The following TTLL11 variants were observed in gnomAD, a reference collection of about 807,000 sequenced individuals.
TTLL11 encodes tubulin tyrosine ligase like 11.
In TTLL11, 42 loss-of-function variants were observed where a neutral mutation model predicts 51.7. That is an observed-to-expected ratio of 0.81 (90% CI 0.64 to 1.05). The LOEUF is 1.05. TTLL11 is among the 50% of genes least tolerant of loss of function. TTLL11 has a pLI of 0.00. For synonymous variants in TTLL11, 381 were observed against 383.5 expected (o/e 0.99, Z 0.08); for missense variants, 799 against 940.4 (o/e 0.85, Z 1.97).
intron 1 of TTLL11, among the ~76,000 whole-genome samples, chr9:122,070,544 G>A (rs908843942): frequency 9.9e-5 from 15 of 152,250 alleles, no homozygotes; most frequent in African/African-American, 3.4e-4. Flanking sequence ...GTGACACCCC[G>A]AGGAAGAATC....
chr9:121,957,209 A>G (rs1175030549), intron 6 of TTLL11, among the ~76,000 whole-genome samples: 2 of 152,122 alleles, frequency 1.3e-5, no homozygotes, highest in Non-Finnish European at 2.9e-5. Flanking sequence ...GCCAGTCTGA[A>G]TCAGGGGGCG....
At chr9:121,843,897 C>T (rs1837434626) in intron 8 of TTLL11, among the ~76,000 whole-genome samples, 2 of 152,134 alleles carry the variant, frequency 1.3e-5, no homozygotes, top group Admixed American at 6.6e-5. Context: ...TGATCTCGAA[C>T]TCCTAAACTC....
At chr9:121,999,799 C>A (rs1016920088) in intron 3 of TTLL11, among the ~76,000 whole-genome samples, 2 of 152,196 alleles carry the variant, frequency 1.3e-5, no homozygotes, top group African/African-American at 4.8e-5. Context: ...TATTACCCAC[C>A]AGCCCCCATC....
In TTLL11 at chr9:122,014,284, G is replaced by A. The variant is rs553890632; in HGVS notation, c.693+17439C>T. The stretch of plus-strand genomic sequence containing the variant: ...GGAGGCTGAGGCAGGAAAATTGCTC[G>A]AACCCAGGAGGCAGAGGTTGCAGTG... On this transcript the variant is annotated intron_variant, in intron 3 of 8. Coordinates refer to ENST00000321582, the MANE Select transcript of TTLL11 (RefSeq NM_001139442.2). Among the ~76,000 whole-genome samples, 16 of 152,192 alleles carry A rather than the reference G, an allele frequency of 1.1e-4. No homozygotes were observed. The East Asian group carries it at 2.9e-3, about 28-fold the overall frequency.
At chr9:122,036,675 T>G (rs1844713093) in intron 2 of TTLL11, among the ~76,000 whole-genome samples, 1 of 152,122 alleles carries the variant, frequency 6.6e-6, no homozygotes, top group South Asian at 2.1e-4. Context: ...AATAAAGCGT[T>G]TACACTTGCC....
At chr9:121,914,553 TAA>T (rs1183929694) in intron 6 of TTLL11, among the ~76,000 whole-genome samples, 2 of 152,146 alleles carry the variant, frequency 1.3e-5, no homozygotes, top group African/African-American at 4.8e-5. Context: ...AGCTGCCCAG[TAA>T]AAGAGACAGT....
chr9:121,976,577 G>A (rs1393342865), intron 4 of TTLL11, among the ~76,000 whole-genome samples: 1 of 152,084 alleles, frequency 6.6e-6, no homozygotes, highest in Non-Finnish European at 1.5e-5. Flanking sequence ...CCTTCTCTGT[G>A]GATTCAAGGA....
intron 4 of TTLL11, among the ~76,000 whole-genome samples, chr9:121,981,329 T>C (rs536802744): frequency 3.9e-5 from 6 of 152,188 alleles, no homozygotes; most frequent in Non-Finnish European, 8.8e-5. Flanking sequence ...CTTCAGTGTC[T>C]AATTTGCTGT....
chr9:122,022,962 A>C (rs1391508460), intron 3 of TTLL11, among the ~76,000 whole-genome samples: 1 of 151,956 alleles, frequency 6.6e-6, no homozygotes, highest in East Asian at 1.9e-4. Flanking sequence ...GTGATAACTC[A>C]AAAATGTATA....
At chr9:122,007,184 C>G (rs1843680705) in intron 3 of TTLL11, among the ~76,000 whole-genome samples, 1 of 151,858 alleles carries the variant, frequency 6.6e-6, no homozygotes, top group East Asian at 1.9e-4. Flanking sequence ...AATAAGCACA[C>G]CTGGCACTCA....
At chr9:121,965,457 C>T (rs949146171) in intron 6 of TTLL11, among the ~76,000 whole-genome samples, 5 of 152,172 alleles carry the variant, frequency 3.3e-5, no homozygotes, top group African/African-American at 9.7e-5. Context: ...AGAATTCACT[C>T]GTTATCACGA....
At chr9:121,845,974 C>A (rs949067500) in intron 8 of TTLL11, among the ~76,000 whole-genome samples, 6 of 152,040 alleles carry the variant, frequency 3.9e-5, no homozygotes, top group Non-Finnish European at 7.4e-5. Flanking sequence ...AGGACAGAGA[C>A]TGTTGAGAGG....
At chr9:121,877,229 C>T (rs1838600121) in intron 6 of TTLL11, among the ~76,000 whole-genome samples, 1 of 152,202 alleles carries the variant, frequency 6.6e-6, no homozygotes, top group Non-Finnish European at 1.5e-5. Context: ...AAAATGCTAA[C>T]CATGCACCAA....
At chr9:122,058,779 C>T (rs186058605) in intron 1 of TTLL11, among the ~76,000 whole-genome samples, 4 of 152,314 alleles carry the variant, frequency 2.6e-5, no homozygotes, top group Middle Eastern at 3.4e-3. Context: ...GAGATGAGAG[C>T]TGTTATTCCT....
intron 6 of TTLL11, among the ~76,000 whole-genome samples, chr9:121,936,266 T>C (rs1268933486): frequency 1.3e-5 from 1 of 78,204 alleles, no homozygotes; most frequent in Non-Finnish European, 2.4e-5. Context: ...TCTTTCTTTC[T>C]TTTTTTTTTT....
At chr9:121,930,463 G>A (rs763803514) in intron 6 of TTLL11, among the ~76,000 whole-genome samples, 6 of 152,206 alleles carry the variant, frequency 3.9e-5, no homozygotes, top group African/African-American at 7.2e-5. Context: ...TAGTGAAACC[G>A]TGACCCACAT....
intron 6 of TTLL11, among the ~76,000 whole-genome samples, chr9:121,972,778 C>G (rs754015776): frequency 1.1e-4 from 16 of 152,236 alleles, no homozygotes; most frequent in Non-Finnish European, 2.2e-4. Flanking sequence ...AGTGGAAACT[C>G]TAGTATTGGT....
At chr9:122,006,891 C>T (rs1843663304) in intron 3 of TTLL11, among the ~76,000 whole-genome samples, 1 of 139,656 alleles carries the variant, frequency 7.2e-6, no homozygotes, top group African/African-American at 2.7e-5. Context: ...GAGGCTGAGG[C>T]ATGACAGTGT....
intron 4 of TTLL11, among the ~76,000 whole-genome samples, chr9:121,975,631 G>A: frequency 6.6e-6 from 1 of 152,178 alleles, no homozygotes; most frequent in South Asian, 2.1e-4. Context: ...ATAATTGCTT[G>A]AACCCAGGAG....
Sources: allele counts gnomAD v4.1 joint callset (sites outside exome capture counted in the v4.1 genomes callset), GRCh38; gene constraint gnomAD v4.1.1; transcripts MANE v1.5; gene names NCBI Gene and HGNC (gene_info 2026-07-23, HGNC 2026-07-21).